The following ABCA13 variants were observed in gnomAD, a reference collection of about 807,000 sequenced individuals.
ABCA13 encodes the protein ATP binding cassette subfamily A member 13.
Under a neutral mutation model 478.7 loss-of-function variants are expected in ABCA13, and 476 were observed. That is an observed-to-expected ratio of 0.99 (90% CI 0.92 to 1.07). The LOEUF is 1.07. Among genes scored for constraint, ABCA13 ranks in the 50% least tolerant of loss-of-function variants. ABCA13 has a pLI of 0.00. For missense variants in ABCA13, 6,060 were observed against 5,910.6 expected (o/e 1.03, Z -0.83); for synonymous variants, 2,252 against 2,158.9 (o/e 1.04, Z -1.20).
chr7:48,454,723 TG>T, intron 42 of ABCA13, among the ~76,000 whole-genome samples: 1 of 151,830 alleles, frequency 6.6e-6, no homozygotes, highest in East Asian at 2.0e-4. Flanking sequence ...AAAAGGATGG[TG>T]GGAGAGAGGA....
rs181618705 is a variant in ABCA13, at chr7:48,574,560, A to C, written c.14355-5664A>C. ...TACATTAATGAACATCTCAAGCATG[A>C]GACACCTAGAGTTACAGGGTTTTTC... On this transcript the variant is annotated intron_variant, in intron 55 of 61. Coordinates refer to ENST00000435803, the MANE Select transcript of ABCA13 (RefSeq NM_152701.5). 4.6e-3 allele frequency among the ~76,000 whole-genome samples: 696 copies of C among 152,268 alleles called. 4 individuals are homozygous for C. The highest frequency in any genetic ancestry group is 0.015 in the African/African-American group (630 of 41,556).
intron 15 of ABCA13, among the ~76,000 whole-genome samples, chr7:48,259,490 G>C (rs1162177629): frequency 1.3e-5 from 2 of 152,026 alleles, no homozygotes; most frequent in Non-Finnish European, 2.9e-5. Context: ...CAGCTTATGG[G>C]TGTCATCGCA....
intron 58 of ABCA13, among the ~76,000 whole-genome samples, chr7:48,612,908 G>A (rs1039045378): frequency 7.9e-5 from 12 of 151,394 alleles, no homozygotes; most frequent in African/African-American, 2.4e-4. Flanking sequence ...TTGAAGTGAC[G>A]ATTGGAAATA....
Position 48,279,056 on chromosome 7 carries a change from T to C in ABCA13, c.7862T>C (p.Ile2621Thr). The stretch of plus-strand genomic sequence containing the variant: ...GATATTTTCAGTATGTCACCTAGCA[T>C]ACTCTCATATATGAACCAATCTAAG... ...NSDIFSMSPS[I>T]LSYMNQSKDF... The change falls in exon 18 of 62, where the codon ATA becomes ACA. Residue 2621 changes from isoleucine to threonine, a missense_variant. Ile to Thr is a moderately conservative substitution (Grantham distance 89). Coordinates refer to ENST00000435803, the MANE Select transcript of ABCA13 (RefSeq NM_152701.5). 1.2e-6 allele frequency: 2 copies of C among 1,613,116 alleles called. No homozygotes were observed. Among genetic ancestry groups the C allele is most frequent in the Non-Finnish European group, 1.7e-6 (2 of 1,179,812 alleles).
chr7:48,215,926 T>A (rs1286404811), intron 3 of ABCA13, among the ~76,000 whole-genome samples: 3 of 152,172 alleles, frequency 2.0e-5, no homozygotes, highest in African/African-American at 7.2e-5. Context: ...ATTCATGTTG[T>A]AGCATCTAAA....
intron 42 of ABCA13, among the ~76,000 whole-genome samples, chr7:48,445,415 G>A (rs1166752191): frequency 6.6e-6 from 1 of 152,162 alleles, no homozygotes; most frequent in Non-Finnish European, 1.5e-5. Flanking sequence ...CTCCTAAGAT[G>A]ATAGAAGGAT....
At position 48,470,466 on chromosome 7, in the gene ABCA13, A is replaced by T. The variant is rs547199023; in HGVS notation, c.12906-1064A>T. Among the ~76,000 whole-genome samples, 7 of 152,342 alleles carry T rather than the reference A, an allele frequency of 4.6e-5. No homozygotes were observed. The South Asian group carries it at 1.4e-3, about 32-fold the overall frequency. On this transcript the variant is annotated intron_variant, in intron 44 of 61. Transcript: ENST00000435803. ...CAGAAGTATAAATGGAATTTTTTTT[A>T]AAAGTACATATCAGATACAGTACTC...
At chr7:48,320,852 G>A (rs1471431459) in intron 27 of ABCA13, among the ~76,000 whole-genome samples, 2 of 152,220 alleles carry the variant, frequency 1.3e-5, no homozygotes, top group East Asian at 1.9e-4. Flanking sequence ...CTAAAGGACA[G>A]AGCTTTGAAC....
intron 45 of ABCA13, among the ~76,000 whole-genome samples, chr7:48,474,283 A>G (rs989044480): frequency 5.3e-5 from 8 of 152,134 alleles, no homozygotes; most frequent in Admixed American, 3.3e-4. Context: ...TACCCTTTTC[A>G]TAGGGGAAGG....
At chr7:48,423,958 A>T (rs1323751781) in intron 41 of ABCA13, among the ~76,000 whole-genome samples, 2 of 152,238 alleles carry the variant, frequency 1.3e-5, no homozygotes, top group Admixed American at 6.5e-5. Flanking sequence ...TTTGTATGAA[A>T]GTGGGAAGGT....
intron 58 of ABCA13, among the ~76,000 whole-genome samples, chr7:48,614,138 A>G (rs1792306907): frequency 6.6e-6 from 1 of 150,658 alleles, no homozygotes; most frequent in South Asian, 2.1e-4. Context: ...TCCATTTTCA[A>G]AATATCCATT....
intron 42 of ABCA13, among the ~76,000 whole-genome samples, chr7:48,441,583 G>A (rs1823593631): frequency 6.6e-6 from 1 of 152,138 alleles, no homozygotes; most frequent in Non-Finnish European, 1.5e-5. Context: ...TATGAAGACC[G>A]ATGCCTGCAA....
At chr7:48,556,966 A>AT (rs1333205975) in intron 55 of ABCA13, among the ~76,000 whole-genome samples, 1 of 151,862 alleles carries the variant, frequency 6.6e-6, no homozygotes, top group Non-Finnish European at 1.5e-5. Flanking sequence ...TTGTATGTTC[A>AT]TTGATTTGAG....
At chr7:48,172,745 C>T (rs1374727684) in intron 1 of ABCA13, among the ~76,000 whole-genome samples, 2 of 128,450 alleles carry the variant, frequency 1.6e-5, no homozygotes, top group Non-Finnish European at 3.1e-5. Flanking sequence ...TTGCAGTGAG[C>T]CGAGATCGCG....
chr7:48,434,534 T>C (rs1234846045), intron 42 of ABCA13, among the ~76,000 whole-genome samples: 3 of 151,966 alleles, frequency 2.0e-5, no homozygotes, highest in Admixed American at 1.3e-4. Flanking sequence ...TTACCTATTT[T>C]GTTGTTGTTG....
chr7:48,590,362 A>G (rs1789606424), intron 57 of ABCA13, among the ~76,000 whole-genome samples: 1 of 152,086 alleles, frequency 6.6e-6, no homozygotes, highest in East Asian at 1.9e-4. Flanking sequence ...AGAGAGACAT[A>G]CACATTTTCT....
chr7:48,451,677 T>C (rs1159551480), intron 42 of ABCA13, among the ~76,000 whole-genome samples: 1 of 152,224 alleles, frequency 6.6e-6, no homozygotes, highest in Non-Finnish European at 1.5e-5. Context: ...ATTATGTTTG[T>C]AAAGCTTTAT....
chr7:48,302,527 C>T (rs1415501393), intron 23 of ABCA13, among the ~76,000 whole-genome samples: 1 of 152,014 alleles, frequency 6.6e-6, no homozygotes, highest in Non-Finnish European at 1.5e-5. Flanking sequence ...CCCCAGTGTG[C>T]TTTGTTCCCC....
chr7:48,261,934 G>A (rs922442959), intron 15 of ABCA13, among the ~76,000 whole-genome samples: 3 of 151,860 alleles, frequency 2.0e-5, no homozygotes, highest in Non-Finnish European at 4.4e-5. Context: ...GGATAATCGG[G>A]CAGTAAGCCA....
Sources: allele counts gnomAD v4.1 joint callset (sites outside exome capture counted in the v4.1 genomes callset), GRCh38; gene constraint gnomAD v4.1.1; transcripts MANE v1.5; gene names NCBI Gene and HGNC (gene_info 2026-07-23, HGNC 2026-07-21).